Variants in CNNM1 observed in about 807,000 individuals in gnomAD.
CNNM1 encodes the protein metal transporter CNNM1.
In CNNM1, 44 loss-of-function variants were observed where a neutral mutation model predicts 78.8. That is an observed-to-expected ratio of 0.56 (90% CI 0.44 to 0.72). The LOEUF is 0.72. CNNM1 is among the 30% of genes least tolerant of loss of function. The probability of loss-of-function intolerance (pLI) is 0.00; values close to 1 mark genes in which losing one functional copy is unlikely to be tolerated. For missense variants in CNNM1, 1,101 were observed against 1,292.2 expected (o/e 0.85, Z 2.27); for synonymous variants, 584 against 581.5 (o/e 1.00, Z -0.06).
intron 7 of CNNM1, among the ~76,000 whole-genome samples, chr10:99,377,643 A>C (rs1240959926): frequency 6.6e-6 from 1 of 152,214 alleles, no homozygotes; most frequent in African/African-American, 2.4e-5. Context: ...CATGCTATAC[A>C]TCTGCCTGTC....
intron 7 of CNNM1, among the ~76,000 whole-genome samples, chr10:99,378,104 C>T (rs924797654): frequency 3.3e-5 from 5 of 152,034 alleles, no homozygotes; most frequent in Admixed American, 3.3e-4. Context: ...GCTGGGACTA[C>T]AGGCACGTGC....
intron 2 of CNNM1, among the ~76,000 whole-genome samples, chr10:99,358,140 C>T (rs1303183904): frequency 6.6e-6 from 1 of 152,160 alleles, no homozygotes; most frequent in Non-Finnish European, 1.5e-5. Context: ...AATACTCCTT[C>T]TTACAAACTT....
At chr10:99,372,064 G>T (rs2031821522) in intron 6 of CNNM1, among the ~76,000 whole-genome samples, 1 of 152,146 alleles carries the variant, frequency 6.6e-6, no homozygotes, top group Non-Finnish European at 1.5e-5. Flanking sequence ...ATAGGGTTGT[G>T]AAGGCTCCCT....
intron 10 of CNNM1, 118 bp from the exon 11 acceptor site, chr10:99,391,319 A>G: frequency 1.4e-6 from 1 of 721,614 alleles, no homozygotes; most frequent in Non-Finnish European, 2.4e-6. Context: ...GTTCTAACCA[A>G]GCTGTCAAGG....
intron 7 of CNNM1, among the ~76,000 whole-genome samples, chr10:99,377,851 T>G (rs1044116628): frequency 6.6e-6 from 1 of 152,096 alleles, no homozygotes; most frequent in African/African-American, 2.4e-5. Context: ...AAAAGGCTCA[T>G]GGCCTCATAA....
chr10:99,355,970 A>G (rs951077853), intron 1 of CNNM1, among the ~76,000 whole-genome samples: 7 of 152,262 alleles, frequency 4.6e-5, no homozygotes, highest in Non-Finnish European at 8.8e-5. Flanking sequence ...TGAGCTCCAC[A>G]GTCACCTTAT....
chr10:99,390,831 T>C (rs1386438003), intron 10 of CNNM1, among the ~76,000 whole-genome samples: 2 of 152,222 alleles, frequency 1.3e-5, no homozygotes, highest in East Asian at 3.9e-4. Context: ...GGAGACTCAA[T>C]AGAAAGAGAG....
At chr10:99,346,955 CAG>C (rs929348860) in intron 1 of CNNM1, among the ~76,000 whole-genome samples, 2 of 152,088 alleles carry the variant, frequency 1.3e-5, no homozygotes, top group African/African-American at 4.8e-5. Context: ...AACGCAGAAA[CAG>C]AAAACCAAAT....
chr10:99,338,163 T>A (rs1296278170), intron 1 of CNNM1, among the ~76,000 whole-genome samples: 2 of 152,196 alleles, frequency 1.3e-5, no homozygotes, highest in Non-Finnish European at 2.9e-5. Context: ...TTACAAGTCA[T>A]GTCTCAGTAT....
At chr10:99,345,915 G>A (rs1302107605) in intron 1 of CNNM1, among the ~76,000 whole-genome samples, 2 of 151,818 alleles carry the variant, frequency 1.3e-5, no homozygotes, top group Admixed American at 6.6e-5. Flanking sequence ...GGGTGGTGTC[G>A]AACTCATGGC....
Position 99,329,675 on chromosome 10 carries a change from G to A in CNNM1, c.288G>A (p.Glu96=). Residue 96 remains glutamate, a synonymous_variant, in exon 1 of 11, where the codon GAG becomes GAA. Transcript: ENST00000356713. ...PVPSPTLNSG[E]NGTGDWAPRL... The stretch of plus-strand genomic sequence containing the variant: ...CCTCACCGACCCTCAACTCGGGGGA[G>A]AATGGCACCGGCGACTGGGCTCCGC... 1.9e-6 allele frequency: 3 copies of A among 1,557,924 alleles called. No individual in the cohort carries two copies. The highest frequency in any genetic ancestry group is 1.2e-5 in the South Asian group (1 of 85,884).
chr10:99,371,215 A>G (rs1346696601), intron 6 of CNNM1, among the ~76,000 whole-genome samples: 1 of 152,220 alleles, frequency 6.6e-6, no homozygotes, highest in African/African-American at 2.4e-5. Flanking sequence ...ATCATTATCC[A>G]TAGGGAGTCT....
At chr10:99,347,750 C>T (rs1331166180) in intron 1 of CNNM1, among the ~76,000 whole-genome samples, 1 of 152,086 alleles carries the variant, frequency 6.6e-6, no homozygotes, top group Non-Finnish European at 1.5e-5. Context: ...TCTACAGCCA[C>T]CGCATTGGCC....
At position 99,330,892 on chromosome 10, in the gene CNNM1, A is replaced by G. The variant is rs1850602458; in HGVS notation, c.1505A>G (p.Tyr502Cys). The change falls in exon 1 of 11, where the codon TAC (tyrosine) becomes TGC (cysteine). Residue 502 changes from tyrosine (Y) to cysteine (C), a missense_variant. By Grantham distance (194) the Tyr-to-Cys change is radical (BLOSUM62 -2). Transcript: ENST00000356713. ...CTPLLTVTRFYNRPLHCVFND... is the reference protein window; with the variant it reads ...CTPLLTVTRFCNRPLHCVFND... ...CCGCTCCTCACTGTCACCCGCTTCT[A>G]CAACCGGCCCCTGCATTGTGTTTTC... 3 of 1,614,126 alleles carry G rather than the reference A, an allele frequency of 1.9e-6. No homozygotes were observed. The highest frequency in any genetic ancestry group is 4.5e-5 in the East Asian group (2 of 44,872).
At chr10:99,335,337 G>A (rs1033212695) in intron 1 of CNNM1, among the ~76,000 whole-genome samples, 2 of 152,208 alleles carry the variant, frequency 1.3e-5, no homozygotes, top group Non-Finnish European at 2.9e-5. Flanking sequence ...TTTCACACTA[G>A]AGTGTGAGGT....
intron 1 of CNNM1, among the ~76,000 whole-genome samples, chr10:99,341,703 G>C (rs1007039889): frequency 5.3e-5 from 8 of 152,196 alleles, no homozygotes; most frequent in African/African-American, 1.9e-4. Context: ...AGCCGACACT[G>C]TGTCTGAACG....
intron 1 of CNNM1, among the ~76,000 whole-genome samples, chr10:99,353,405 G>A (rs542477520): frequency 6.6e-6 from 1 of 152,282 alleles, no homozygotes; most frequent in Admixed American, 6.5e-5. Flanking sequence ...AGTGTGCATA[G>A]CAACAGGTAG....
intron 9 of CNNM1, among the ~76,000 whole-genome samples, chr10:99,389,720 G>T (rs2032416197): frequency 6.6e-6 from 1 of 152,206 alleles, no homozygotes; most frequent in African/African-American, 2.4e-5. Context: ...TCCAAAAACT[G>T]CATCAGAAGC....
At chr10:99,378,614 G>A (rs1000193442) in intron 7 of CNNM1, among the ~76,000 whole-genome samples, 5 of 152,196 alleles carry the variant, frequency 3.3e-5, no homozygotes, top group Admixed American at 2.6e-4. Context: ...GATGGGGTGA[G>A]ACAATAACTA....
Sources: gnomAD v4.1 joint callset for allele counts (sites outside exome capture counted in the v4.1 genomes callset) on GRCh38, gnomAD v4.1.1 for gene constraint, MANE v1.5 for transcripts, NCBI Gene and HGNC (gene_info 2026-07-23, HGNC 2026-07-21) for gene names.